The following STX11 variants were observed in gnomAD, a reference collection of about 807,000 sequenced individuals.
STX11 encodes the protein syntaxin 11.
Under a neutral mutation model 19.9 loss-of-function variants are expected in STX11, and 21 were observed. The ratio of observed to expected loss-of-function variants is 1.06; its 90% CI spans 0.75 to 1.52. The LOEUF is 1.52. STX11 is among the 40% of genes most tolerant of loss of function. The pLI is 0.00. For synonymous variants in STX11, 193 were observed against 174.4 expected (o/e 1.11, Z -0.84); for missense variants, 438 against 405.9 (o/e 1.08, Z -0.68).
chr6:144,143,279 A>G, the STX11 span, among the ~76,000 whole-genome samples: 676 of 152,314 alleles, frequency 4.4e-3, 4 homozygotes, highest in African/African-American at 0.015. Flanking sequence ...TCAGGATTGT[A>G]GTTATAAAAT....
rs1216524595 is a variant in STX11, at chr6:144,187,964, C to A, written c.*473C>A. The A allele has an allele frequency of 1.0e-5, 3 of 286,156 alleles. No individual in the cohort carries two copies. Among genetic ancestry groups the A allele is most frequent in the African/African-American group, 6.5e-5 (3 of 46,124 alleles). The allele number at this position is 286,156 out of a possible 1,614,324, so 17.7% of individuals were successfully genotyped here. A position where few individuals can be genotyped will look rare whatever the true frequency, so the allele number is the denominator to read the frequency against. On this transcript the variant is annotated 3_prime_UTR_variant, in exon 2 of 2. Transcript: ENST00000367568. The surrounding 1 kb of genome is among the most constrained non-coding windows in gnomAD (Gnocchi z 5.6). ...TGAGCGAAATTGGCCTTGGGAAAAA[C>A]CACGTTCTTCCTTTCCGATTCTTCA...
At chr6:144,178,003 C>T (rs1455820240) in intron 1 of STX11, among the ~76,000 whole-genome samples, 1 of 152,138 alleles carries the variant, frequency 6.6e-6, no homozygotes, top group East Asian at 1.9e-4. Context: ...CTAATGGTGA[C>T]AGTATTTCCA....
intron 1 of STX11, among the ~76,000 whole-genome samples, chr6:144,166,714 C>T (rs900798062): frequency 6.6e-6 from 1 of 151,790 alleles, no homozygotes; most frequent in African/African-American, 2.4e-5. Flanking sequence ...TTAGTAGACC[C>T]GGGATTTCAC....
chr6:144,141,608 C>G, the STX11 span, among the ~76,000 whole-genome samples: 93 of 152,052 alleles, frequency 6.1e-4, no homozygotes, highest in African/African-American at 2.1e-3. Context: ...GTGCAGATAA[C>G]AAGATGAAAA....
rs755980161 is a variant in STX11, at chr6:144,187,489, T to C, written c.862T>C (p.Ter288GlnextTer41). 3.1e-6 allele frequency: 5 copies of C among 1,611,948 alleles called. No individual in the cohort carries two copies. The Admixed American group carries it at 6.7e-5, about 21-fold the overall frequency. ...CTGCTTCTGCTGTCCCTGCCTCAAG[T>C]AGCAGGCCGGCCCGGGCCGCCACCG... ...LCCFCCPCLK[*>Q] Residue 288 changes from the stop codon to glutamine (Q), a stop_lost, in exon 2 of 2, where the codon TAG becomes CAG. Coordinates refer to ENST00000367568, the MANE Select transcript of STX11 (RefSeq NM_003764.4). This position sits in a 1 kb window ranked among gnomAD's most constrained non-coding sequence, Gnocchi z 5.6.
intron 1 of STX11, among the ~76,000 whole-genome samples, chr6:144,171,128 G>A (rs1049206676): frequency 2.6e-5 from 4 of 152,222 alleles, no homozygotes; most frequent in Admixed American, 6.5e-5. Context: ...ACCCAGTAGC[G>A]GGAGAGCTGA....
In STX11 at chr6:144,150,643, A is replaced by T; in HGVS notation, c.-66A>T. ...TTTCCTTCTCCATCGCTGCGCCCAC[A>T]GGGGACGCGCGCCCTGCCGGGAGAG... On this transcript the variant is annotated 5_prime_UTR_variant, in exon 1 of 2. Transcript: ENST00000367568. The T allele has an allele frequency of 1.0e-6, 1 of 984,678 alleles. No individual in the cohort carries two copies. The allele number at this position is 984,678 out of a possible 1,614,324, so 61.0% of individuals were successfully genotyped here.
At position 144,177,290 on chromosome 6, in the gene STX11, A is replaced by G. The variant is rs1801800054; in HGVS notation, c.-5-9333A>G. Among the ~76,000 whole-genome samples, 1 of 152,194 alleles carries G rather than the reference A, an allele frequency of 6.6e-6. No homozygotes were observed. Among genetic ancestry groups the G allele is most frequent in the Non-Finnish European group, 1.5e-5 (1 of 68,026 alleles). On this transcript the variant is annotated intron_variant, in intron 1 of 1. Transcript: ENST00000367568. The surrounding 1 kb of genome is among the most constrained non-coding windows in gnomAD (Gnocchi z 4.4). ...AGATCTTTGCTGTATTTTCCAGGCA[A>G]AGTTTTGCTTCACATTCTAGGGCCA...
rs1489485271 is a variant in STX11, at chr6:144,155,275, T to A, written c.-6+4572T>A. Among the ~76,000 whole-genome samples the A allele has an allele frequency of 6.6e-6, 1 of 152,200 alleles. No individual in the cohort carries two copies. Among genetic ancestry groups the A allele is most frequent in the Non-Finnish European group, 1.5e-5 (1 of 68,034 alleles). On this transcript the variant is annotated intron_variant, in intron 1 of 1. Coordinates refer to ENST00000367568, the MANE Select transcript of STX11 (RefSeq NM_003764.4). The surrounding 1 kb of genome is among the most constrained non-coding windows in gnomAD (Gnocchi z 4.5). ...AATCAGCAAACTCACTTATTGAAGC[T>A]TTAAAATGTTCAAATGTCCACTTTG... is the stretch of plus-strand genomic sequence containing the variant.
At position 144,152,890 on chromosome 6, in the gene STX11, T is replaced by G. The variant is rs1352732167; in HGVS notation, c.-6+2187T>G. 6.6e-6 allele frequency among the ~76,000 whole-genome samples: 1 copy of G among 152,240 alleles called. No individual in the cohort carries two copies. Among genetic ancestry groups the G allele is most frequent in the East Asian group, 1.9e-4 (1 of 5,208 alleles). On this transcript the variant is annotated intron_variant, in intron 1 of 1. Transcript: ENST00000367568. This position sits in a 1 kb window ranked among gnomAD's most constrained non-coding sequence, Gnocchi z 4.9. ...CTCAGGTGATCTGCTTGCCTTGGCC[T>G]CCCAAAGTGCTGGGATTGCAGATGT...
At chr6:144,158,278 T>G (rs911583951) in intron 1 of STX11, among the ~76,000 whole-genome samples, 6 of 152,206 alleles carry the variant, frequency 3.9e-5, no homozygotes, top group Non-Finnish European at 7.3e-5. Context: ...AGTCATCCCT[T>G]GCTTTTCATT....
rs1476266899 is a variant in STX11 at position 144,190,712 on chromosome 6, G to GA, written c.*3221_*3222insA. Among the ~76,000 whole-genome samples, 1 of 152,110 alleles carries GA rather than the reference G, an allele frequency of 6.6e-6. No homozygotes were observed. The highest frequency in any genetic ancestry group is 2.4e-5 in the African/African-American group (1 of 41,412). On this transcript the variant is annotated 3_prime_UTR_variant, in exon 2 of 2. Coordinates refer to ENST00000367568, the MANE Select transcript of STX11 (RefSeq NM_003764.4). ...CACGTAAGCAGGAAGCAGCTGTTCTGCTCAGCTTGGCAGGTGTTCTTTCCT... is the reference window on the plus strand; with the variant it reads ...CACGTAAGCAGGAAGCAGCTGTTCTGACTCAGCTTGGCAGGTGTTCTTTCCT...
At position 144,186,710 on chromosome 6, in the gene STX11, C is replaced by T. The variant is rs143547259; in HGVS notation, c.83C>T (p.Ser28Leu). The T allele has an allele frequency of 1.6e-4, 262 of 1,614,196 alleles. No homozygotes were observed. The African/African-American group carries it at 3.1e-3, about 19-fold the overall frequency. Residue 28 changes from serine (S) to leucine (L), a missense_variant, in exon 2 of 2, where the codon TCG (serine) becomes TTG (leucine). By Grantham distance (145) the Ser-to-Leu change is moderately radical. Coordinates refer to ENST00000367568, the MANE Select transcript of STX11 (RefSeq NM_003764.4). ...QFPDGDDEFD[S>L]PHEDIVFETD... The stretch of plus-strand genomic sequence containing the variant: ...CCAGACGGGGACGATGAGTTTGACT[C>T]GCCCCACGAGGACATCGTGTTCGAG...
In STX11 at chr6:144,191,446, A is replaced by G. The variant is rs184057952; in HGVS notation, c.*3955A>G. On this transcript the variant is annotated 3_prime_UTR_variant, in exon 2 of 2. Coordinates refer to ENST00000367568, the MANE Select transcript of STX11 (RefSeq NM_003764.4). ...TATTTAAAAACAGTCCTAATGCTTT[A>G]TAGTTAAATGTCATATGCAGATATG... Among the ~76,000 whole-genome samples the G allele has an allele frequency of 6.6e-6, 1 of 151,670 alleles. No individual in the cohort carries two copies. Among genetic ancestry groups the G allele is most frequent in the East Asian group, 1.9e-4 (1 of 5,164 alleles).
Position 144,155,104 on chromosome 6 carries a change from A to G in STX11, c.-6+4401A>G, listed in dbSNP as rs141088763. Among the ~76,000 whole-genome samples, 1 of 152,262 alleles carries G rather than the reference A, an allele frequency of 6.6e-6. No individual in the cohort carries two copies. The highest frequency in any genetic ancestry group is 1.9e-4 in the East Asian group (1 of 5,172). Reference sequence around the variant, plus strand: ...AATAATCAGACCTTTTCTCCTGGGAATTTACATTTTAATGGAGACTGTCTG... The same window carrying G: ...AATAATCAGACCTTTTCTCCTGGGAGTTTACATTTTAATGGAGACTGTCTG... On this transcript the variant is annotated intron_variant, in intron 1 of 1. Transcript: ENST00000367568. The surrounding 1 kb of genome is among the most constrained non-coding windows in gnomAD (Gnocchi z 4.5).
intron 1 of STX11, among the ~76,000 whole-genome samples, chr6:144,168,420 G>A (rs1030339844): frequency 4.6e-5 from 7 of 151,996 alleles, no homozygotes; most frequent in African/African-American, 1.7e-4. Flanking sequence ...TATCTTCCTT[G>A]TCACTATTAT....
At position 144,174,165 on chromosome 6, in the gene STX11, G is replaced by A. The variant is rs960750738; in HGVS notation, c.-5-12458G>A. ...CTTCCTGCAGGCTAGCCCAGGCTTC[G>A]TCATATAGTGGAATTAAGCTACCCA... is the stretch of plus-strand genomic sequence containing the variant. On this transcript the variant is annotated intron_variant, in intron 1 of 1. Transcript: ENST00000367568. This position sits in a 1 kb window ranked among gnomAD's most constrained non-coding sequence, Gnocchi z 5.3. Among the ~76,000 whole-genome samples the A allele has an allele frequency of 1.1e-4, 17 of 152,090 alleles. No homozygotes were observed. Among genetic ancestry groups the A allele is most frequent in the Admixed American group, 2.6e-4 (4 of 15,264 alleles).
rs542894118 is a variant in STX11 at position 144,188,928 on chromosome 6, G to A, written c.*1437G>A. On this transcript the variant is annotated 3_prime_UTR_variant, in exon 2 of 2. Transcript: ENST00000367568. ...TTTTTAGTAAAGACGGTGTTTCACC[G>A]TGTTAGCCAGGATGGTCTTGATCTC... Among the ~76,000 whole-genome samples, 1 of 152,032 alleles carries A rather than the reference G, an allele frequency of 6.6e-6. No individual in the cohort carries two copies. Among genetic ancestry groups the A allele is most frequent in the Admixed American group, 6.6e-5 (1 of 15,258 alleles).
rs1016743267 is a variant in STX11 at position 144,176,169 on chromosome 6, A to G, written c.-5-10454A>G. Among the ~76,000 whole-genome samples, 5 of 152,082 alleles carry G rather than the reference A, an allele frequency of 3.3e-5. No homozygotes were observed. The highest frequency in any genetic ancestry group is 1.2e-4 in the African/African-American group (5 of 41,390). On this transcript the variant is annotated intron_variant, in intron 1 of 1. Transcript: ENST00000367568. The surrounding 1 kb of genome is among the most constrained non-coding windows in gnomAD (Gnocchi z 4.1). ...GAAGGGAAGAAACAGAGCAGAGAAT[A>G]TTGCTCCTTAACAACACTAGCGCCT... is the stretch of plus-strand genomic sequence containing the variant.
Sources: allele counts gnomAD v4.1 joint callset (sites outside exome capture counted in the v4.1 genomes callset), GRCh38; gene constraint gnomAD v4.1.1; non-coding constraint Gnocchi (gnomAD v3.1); transcripts MANE v1.5; gene names NCBI Gene and HGNC (gene_info 2026-07-23, HGNC 2026-07-21).